Variants in CWH43 observed in about 807,000 individuals in gnomAD.
The protein encoded by CWH43 is cell wall biogenesis 43 C-terminal homolog.
A neutral mutation model predicts 85.7 loss-of-function variants in CWH43; 91 were observed. The observed-to-expected ratio is 1.06, with a 90% confidence interval of 0.90 to 1.26. CWH43 has a LOEUF of 1.26. Among genes scored for constraint, CWH43 ranks in the 50% most tolerant of loss-of-function variants. The pLI, the probability that CWH43 is intolerant of heterozygous loss-of-function variation, is 0.00. For missense variants in CWH43, 869 were observed against 839.2 expected (o/e 1.04, Z -0.44); for synonymous variants, 323 against 293.6 (o/e 1.10, Z -1.02).
At chr4:49,041,708 T>C (rs1273527605) in intron 13 of CWH43, among the ~76,000 whole-genome samples, 3 of 152,186 alleles carry the variant, frequency 2.0e-5, no homozygotes, top group Admixed American at 6.5e-5. Flanking sequence ...GTTTGGAATC[T>C]GTGTTCTACC....
intron 13 of CWH43, among the ~76,000 whole-genome samples, chr4:49,040,316 G>A (rs1441251195): frequency 5.3e-5 from 8 of 152,150 alleles, no homozygotes; most frequent in East Asian, 3.9e-4. Flanking sequence ...CTGAGGAATC[G>A]CCACACTGAC....
At chr4:49,059,355 C>CT (rs1221647843) in intron 15 of CWH43, among the ~76,000 whole-genome samples, 1 of 152,056 alleles carries the variant, frequency 6.6e-6, no homozygotes, top group Non-Finnish European at 1.5e-5. Flanking sequence ...TTTATGTACT[C>CT]TTTTTTCTTA....
rs544321424 is a variant in CWH43 at position 49,041,376 on chromosome 4, G to A, written c.1803+3196G>A. ...CGATATTGATTCTTCCTACCCATGA[G>A]CATGGAATGTTCTTCCATTTGTTTG... On this transcript the variant is annotated intron_variant, in intron 13 of 15. Transcript: ENST00000226432. Among the ~76,000 whole-genome samples the A allele has an allele frequency of 2.3e-4, 35 of 152,294 alleles. No homozygotes were observed. In the South Asian group the frequency reaches 6.8e-3, roughly 30 times the overall value.
intron 8 of CWH43, among the ~76,000 whole-genome samples, chr4:49,009,295 G>A (rs549821699): frequency 1.2e-3 from 183 of 152,212 alleles, no homozygotes; most frequent in South Asian, 2.7e-3. Context: ...TTGGTGTATA[G>A]GAATGGTTGG....
intron 3 of CWH43, 81 bp from the exon 4 acceptor site, chr4:48,991,855 T>G: frequency 8.0e-7 from 1 of 1,246,988 alleles, no homozygotes; most frequent in Non-Finnish European, 1.1e-6. Context: ...CAGCTACTTA[T>G]TCTATGAAAC....
intron 1 of CWH43, 74 bp downstream of exon 1, chr4:48,986,546 C>T: frequency 1.9e-6 from 3 of 1,543,216 alleles, no homozygotes; most frequent in Non-Finnish European, 1.7e-6. Context: ...TGGAGCCAGG[C>T]CAGGTTGGCT....
At chr4:49,048,821 A>C (rs1784710455) in intron 14 of CWH43, among the ~76,000 whole-genome samples, 1 of 152,222 alleles carries the variant, frequency 6.6e-6, no homozygotes, top group South Asian at 2.1e-4. Flanking sequence ...GGGGAACACA[A>C]AATAGGAAGG....
At chr4:48,988,335 G>C in intron 1 of CWH43, 142 bp from the exon 2 acceptor site, 3 of 484,950 alleles carry the variant, frequency 6.2e-6, no homozygotes, top group South Asian at 5.1e-5. Flanking sequence ...TTCCATGTCA[G>C]TGGAGACAAC....
chr4:49,045,695 C>T (rs757508381), intron 14 of CWH43, among the ~76,000 whole-genome samples: 4 of 152,020 alleles, frequency 2.6e-5, no homozygotes, highest in Non-Finnish European at 1.5e-5. Flanking sequence ...GACAAAATCG[C>T]CTTATGACAC....
At chr4:49,037,705 A>G (rs964769458) in intron 12 of CWH43, among the ~76,000 whole-genome samples, 28 of 152,320 alleles carry the variant, frequency 1.8e-4, no homozygotes, top group Non-Finnish European at 3.1e-4. Context: ...CTTTAGCTGT[A>G]ATACTGATGG....
intron 8 of CWH43, among the ~76,000 whole-genome samples, chr4:49,009,686 G>A (rs754346392): frequency 2.0e-5 from 3 of 152,268 alleles, no homozygotes; most frequent in Admixed American, 6.5e-5. Context: ...TTAGCATGAA[G>A]CACTGTTGAA....
chr4:48,996,088 G>A (rs749283777), intron 5 of CWH43, among the ~76,000 whole-genome samples: 8 of 151,704 alleles, frequency 5.3e-5, no homozygotes, highest in Non-Finnish European at 1.0e-4. Flanking sequence ...ACCCACTTGC[G>A]CTTCTCTGGA....
At chr4:49,021,872 G>A (rs2109791499) in intron 9 of CWH43, among the ~76,000 whole-genome samples, 1 of 152,170 alleles carries the variant, frequency 6.6e-6, no homozygotes, top group East Asian at 1.9e-4. Flanking sequence ...TTGGTGTATA[G>A]CAGGGCTATT....
intron 8 of CWH43, among the ~76,000 whole-genome samples, chr4:49,015,812 A>G (rs938161953): frequency 6.6e-6 from 1 of 152,030 alleles, no homozygotes; most frequent in African/African-American, 2.4e-5. Context: ...TCTAATTTCA[A>G]TTATTATAAT....
At chr4:49,016,245 T>C (rs1311399023) in intron 8 of CWH43, among the ~76,000 whole-genome samples, 1 of 152,244 alleles carries the variant, frequency 6.6e-6, no homozygotes, top group African/African-American at 2.4e-5. Context: ...ATAAACCTTG[T>C]TATTTTAAAA....
At chr4:48,986,693 C>T in intron 1 of CWH43, 1 of 1,339,200 alleles carries the variant, frequency 7.5e-7, no homozygotes, top group East Asian at 3.0e-5. Flanking sequence ...GAGGCGCCCG[C>T]GAGAGACCCC....
chr4:48,993,436 T>G (rs1487921372), intron 4 of CWH43, among the ~76,000 whole-genome samples: 2 of 152,138 alleles, frequency 1.3e-5, no homozygotes, highest in Non-Finnish European at 2.9e-5. Flanking sequence ...TCTGATCCTG[T>G]TAATGTCAGA....
At position 49,007,187 on chromosome 4, in the gene CWH43, T is replaced by C; in HGVS notation, c.1061-14T>C. 4 of 1,597,948 alleles carry C rather than the reference T, an allele frequency of 2.5e-6. No individual in the cohort carries two copies. Among genetic ancestry groups the C allele is most frequent in the Non-Finnish European group, 2.6e-6 (3 of 1,174,674 alleles). ...GATCAGACTATAACATATTCTTTCT[T>C]TCTCTTATAACAGGGACAATGATGT... On this transcript the variant is annotated splice_polypyrimidine_tract_variant and intron_variant, in intron 7 of 15. Transcript: ENST00000226432.
chr4:49,029,125 A>G (rs560441279), intron 10 of CWH43, among the ~76,000 whole-genome samples: 1 of 152,344 alleles, frequency 6.6e-6, no homozygotes, highest in African/African-American at 2.4e-5. Context: ...AAGAGAGATC[A>G]GACTGTTACT....
Sources: allele counts gnomAD v4.1 joint callset (sites outside exome capture counted in the v4.1 genomes callset), GRCh38; gene constraint gnomAD v4.1.1; transcripts MANE v1.5; gene names NCBI Gene and HGNC (gene_info 2026-07-23, HGNC 2026-07-21).